Variants in MACC1 observed in about 807,000 individuals in gnomAD.
The protein encoded by MACC1 is metastasis-associated in colon cancer protein 1.
A neutral mutation model predicts 70.7 loss-of-function variants in MACC1; 79 were observed. That is an observed-to-expected ratio of 1.12 (90% CI 0.93 to 1.35). The LOEUF (loss-of-function observed/expected upper bound fraction) is 1.35, where lower values mean the gene tolerates loss of function less well. Ranked by LOEUF, MACC1 falls within the 40% of genes most tolerant of loss-of-function variation. The pLI, the probability that MACC1 is intolerant of heterozygous loss-of-function variation, is 0.00. For synonymous variants in MACC1, 361 were observed against 347.2 expected (o/e 1.04, Z -0.44); for missense variants, 1,106 against 978.1 (o/e 1.13, Z -1.74).
At chr7:20,144,318 T>C (rs181959580) in intron 6 of MACC1, among the ~76,000 whole-genome samples, 1 of 152,192 alleles carries the variant, frequency 6.6e-6, no homozygotes, top group African/African-American at 2.4e-5. Flanking sequence ...TAGGATGTGA[T>C]AATTACAGAA....
At chr7:20,215,498 T>A (rs1256052588) in intron 1 of MACC1, among the ~76,000 whole-genome samples, 1 of 152,220 alleles carries the variant, frequency 6.6e-6, no homozygotes, top group Non-Finnish European at 1.5e-5. Flanking sequence ...TCCTCCACCT[T>A]TGGAGAATTA....
intron 1 of MACC1, among the ~76,000 whole-genome samples, chr7:20,183,341 A>C (rs946780341): frequency 6.6e-6 from 1 of 152,230 alleles, no homozygotes; most frequent in African/African-American, 2.4e-5. Flanking sequence ...TACAGCTGCA[A>C]GAAACTAATT....
chr7:20,200,133 A>G (rs550895567), intron 1 of MACC1, among the ~76,000 whole-genome samples: 89 of 152,222 alleles, frequency 5.8e-4, no homozygotes, highest in African/African-American at 2.0e-3. Context: ...TTTATTCACA[A>G]TAAACACCTA....
At chr7:20,146,034 G>A (rs760707477) in intron 6 of MACC1, among the ~76,000 whole-genome samples, 63 of 151,704 alleles carry the variant, frequency 4.2e-4, no homozygotes, top group Non-Finnish European at 7.1e-4. Context: ...GGTGGCACGC[G>A]CCTGTAGTCC....
rs1249332209 is a variant in MACC1, at chr7:20,139,016, C to G, written c.*1930G>C. 1.3e-5 allele frequency: 2 copies of G among 152,172 alleles called. No homozygotes were observed. Among genetic ancestry groups the G allele is most frequent in the Admixed American group, 1.3e-4 (2 of 15,278 alleles). 9.4% of individuals were successfully genotyped at this position (152,172 alleles called of 1,614,324 possible). A position where few individuals can be genotyped will look rare whatever the true frequency, so the allele number is the denominator to read the frequency against. ...AATTTGAATTACCATTGCCAGCATA[C>G]CAAATATCCCAGGGTGGGTATATTA... On this transcript the variant is annotated 3_prime_UTR_variant, in exon 7 of 7. Coordinates refer to ENST00000400331, the MANE Select transcript of MACC1 (RefSeq NM_182762.4).
intron 1 of MACC1, among the ~76,000 whole-genome samples, chr7:20,176,844 C>T (rs149879251): frequency 3.9e-5 from 6 of 152,264 alleles, no homozygotes; most frequent in African/African-American, 1.2e-4. Flanking sequence ...ATTTCATTTA[C>T]ATGACATACT....
chr7:20,140,848 C>T lies in MACC1; in HGVS notation c.*98G>A, dbSNP rs1298236044. ...ACAGACACACACACACAGACACACACACACAGACACACAGAGACACACACA... is the reference window on the plus strand; with the variant it reads ...ACAGACACACACACACAGACACACATACACAGACACACAGAGACACACACA... On this transcript the variant is annotated 3_prime_UTR_variant, in exon 7 of 7. Transcript: ENST00000400331. The T allele has an allele frequency of 1.7e-5, 14 of 829,346 alleles. No individual in the cohort carries two copies. Among genetic ancestry groups the T allele is most frequent in the Non-Finnish European group, 2.7e-5 (14 of 526,368 alleles). 51.4% of individuals were successfully genotyped at this position (829,346 alleles called of 1,614,324 possible). A position where few individuals can be genotyped will look rare whatever the true frequency, so the allele number is the denominator to read the frequency against.
At position 20,159,882 on chromosome 7, in the gene MACC1, G is replaced by C. The variant is rs912382822; in HGVS notation, c.479C>G (p.Ser160Cys). The C allele has an allele frequency of 1.9e-6, 3 of 1,614,006 alleles. No homozygotes were observed. The African/African-American group carries it at 4.0e-5, about 22-fold the overall frequency. The change falls in exon 5 of 7, where the codon TCT (serine) becomes TGT (cysteine). Residue 160 changes from serine to cysteine, a missense_variant. Coordinates refer to ENST00000400331, the MANE Select transcript of MACC1 (RefSeq NM_182762.4). The stretch of plus-strand genomic sequence containing the variant: ...TAAGTCGTGTAGTAGGATCTGGTCA[G>C]AGTTATGTATACTCTGATGGGCATG... Reference protein sequence around the residue: ...TAHAHQSIHNSDQILLHDLEW... With the variant: ...TAHAHQSIHNCDQILLHDLEW...
chr7:20,182,042 G>C (rs1158264649), intron 1 of MACC1, among the ~76,000 whole-genome samples: 2 of 151,752 alleles, frequency 1.3e-5, no homozygotes, highest in Admixed American at 1.3e-4. Flanking sequence ...TCCTTTGTAG[G>C]GACATGGATG....
At chr7:20,196,373 G>A (rs187578002) in intron 1 of MACC1, among the ~76,000 whole-genome samples, 4,972 of 152,010 alleles carry the variant, frequency 0.033, 124 homozygotes, top group Non-Finnish European at 0.048. Context: ...GTAGAGACGG[G>A]GTTTCACCGT....
At chr7:20,187,601 T>G (rs376590540) in intron 1 of MACC1, among the ~76,000 whole-genome samples, 8 of 152,294 alleles carry the variant, frequency 5.3e-5, no homozygotes, top group African/African-American at 1.7e-4. Flanking sequence ...GAACTACACT[T>G]AAGACCTTGG....
intron 1 of MACC1, among the ~76,000 whole-genome samples, chr7:20,182,697 C>T (rs1398740726): frequency 2.0e-5 from 3 of 152,066 alleles, no homozygotes; most frequent in Non-Finnish European, 4.4e-5. Context: ...AAGTTTCCCC[C>T]ATAAAACACC....
chr7:20,148,419 T>C (rs970129744), intron 6 of MACC1, among the ~76,000 whole-genome samples: 6 of 152,196 alleles, frequency 3.9e-5, no homozygotes, highest in African/African-American at 1.4e-4. Context: ...ATGCTGATTT[T>C]GGTCTTACAC....
chr7:20,154,325 A>G lies in MACC1; in HGVS notation c.2214T>C (p.Ala738=), dbSNP rs750291918. The G allele has an allele frequency of 9.5e-5, 154 of 1,613,880 alleles. No individual in the cohort carries two copies. The highest frequency in any genetic ancestry group is 1.3e-4 in the Non-Finnish European group (150 of 1,179,936). Residue 738 remains alanine, a synonymous_variant, in exon 6 of 7, where the codon GCT becomes GCC. Coordinates refer to ENST00000400331, the MANE Select transcript of MACC1 (RefSeq NM_182762.4). Reference sequence around the variant, plus strand: ...CAAGCTTGACAGCTGAAGTCAGAACAGCAGCTTCTTGGATGAGACGTGCGA... The same window carrying G: ...CAAGCTTGACAGCTGAAGTCAGAACGGCAGCTTCTTGGATGAGACGTGCGA... ...ELVARLIQEA[A]VLTSAVKLGK...
intron 6 of MACC1, 59 bp downstream of exon 6, chr7:20,154,134 C>T: frequency 6.4e-7 from 1 of 1,569,786 alleles, no homozygotes; most frequent in Non-Finnish European, 8.7e-7. Context: ...GGTTTGATTA[C>T]ATTAGTGTTA....
chr7:20,196,421 C>A (rs1782754540), intron 1 of MACC1, among the ~76,000 whole-genome samples: 1 of 152,066 alleles, frequency 6.6e-6, no homozygotes, highest in African/African-American at 2.4e-5. Flanking sequence ...ACCTTGTGAT[C>A]CGCCCACCTC....
chr7:20,209,916 T>G (rs1394622519), intron 1 of MACC1, among the ~76,000 whole-genome samples: 1 of 152,186 alleles, frequency 6.6e-6, no homozygotes, highest in Non-Finnish European at 1.5e-5. Flanking sequence ...GATCTGATGC[T>G]TTTATAATTG....
At chr7:20,166,309 C>T (rs916009069) in intron 2 of MACC1, among the ~76,000 whole-genome samples, 8 of 152,144 alleles carry the variant, frequency 5.3e-5, no homozygotes, top group Non-Finnish European at 1.2e-4. Context: ...AATGCCAAAC[C>T]TGCCCAAGTA....
At position 20,174,372 on chromosome 7, in the gene MACC1, T is replaced by G. The variant is rs140858685; in HGVS notation, c.-217-3594A>C. Among the ~76,000 whole-genome samples, 49 of 152,246 alleles carry G rather than the reference T, an allele frequency of 3.2e-4. 4 individuals are homozygous for G. Among genetic ancestry groups the G allele is most frequent in the African/African-American group, 1.1e-3 (45 of 41,566 alleles). On this transcript the variant is annotated intron_variant, in intron 1 of 6. Transcript: ENST00000400331. ...AGGATCAAATACAATGAATCTACTGTTTGAATTCAGGTATGAGAAAGAAAT... is the reference window on the plus strand; with the variant it reads ...AGGATCAAATACAATGAATCTACTGGTTGAATTCAGGTATGAGAAAGAAAT...
Sources: allele counts gnomAD v4.1 joint callset (sites outside exome capture counted in the v4.1 genomes callset), GRCh38; gene constraint gnomAD v4.1.1; transcripts MANE v1.5; gene names NCBI Gene and HGNC (gene_info 2026-07-23, HGNC 2026-07-21).